Variants in OPRM1 observed in about 807,000 individuals in gnomAD.
OPRM1 encodes opioid receptor mu 1.
Under a neutral mutation model 31.8 loss-of-function variants are expected in OPRM1, and 27 were observed. The observed-to-expected ratio is 0.85, with a 90% CI of 0.63 to 1.17. The LOEUF (loss-of-function observed/expected upper bound fraction) is 1.17, where lower values mean the gene tolerates loss of function less well. OPRM1 is among the 50% of genes most tolerant of loss of function. The pLI is 0.00. For synonymous variants in OPRM1, 196 were observed against 189.9 expected (o/e 1.03, Z -0.26); for missense variants, 536 against 511.1 (o/e 1.05, Z -0.47).
At chr6:154,136,596 T>C (rs572440055), downstream of OPRM1, among the ~76,000 whole-genome samples, 2 of 152,096 alleles carry the variant, frequency 1.3e-5, no homozygotes, top group African/African-American at 2.4e-5. Context: ...CCTCAGCCCC[T>C]CCGCTTGGTT....
At chr6:154,220,774 G>T (rs1190416582) in intron 3 of OPRM1, among the ~76,000 whole-genome samples, 1 of 152,310 alleles carries the variant, frequency 6.6e-6, no homozygotes, top group East Asian at 1.9e-4. Context: ...TGGAGCTAGG[G>T]ATCTACAATT....
intron 1 of OPRM1, among the ~76,000 whole-genome samples, chr6:154,068,004 A>G (rs932168111): frequency 6.6e-6 from 1 of 152,086 alleles, no homozygotes. Context: ...ATTTCTCTGC[A>G]TGACTTTGGA....
chr6:154,094,466 A>G (rs1314368721), intron 3 of OPRM1: 1 of 358,046 alleles, frequency 2.8e-6, no homozygotes, highest in Non-Finnish European at 5.5e-6. Context: ...TTTAGTTTAC[A>G]ATTCTGTAGA....
At chr6:154,143,744 A>C (rs1192767195) in intron 3 of OPRM1, among the ~76,000 whole-genome samples, 2 of 152,228 alleles carry the variant, frequency 1.3e-5, no homozygotes, top group African/African-American at 4.8e-5. Context: ...TTGGTCCTAA[A>C]ACAAGACTCA....
intron 3 of OPRM1, among the ~76,000 whole-genome samples, chr6:154,223,600 C>A (rs182213944): frequency 4.4e-4 from 67 of 152,308 alleles, no homozygotes; most frequent in African/African-American, 1.5e-3. Flanking sequence ...ACAGCATCTT[C>A]TATTCCTACG....
Position 154,077,237 on chromosome 6 carries a change from A to G in OPRM1, c.291-12589A>G, listed in dbSNP as rs575988461. Among the ~76,000 whole-genome samples, 3 of 152,074 alleles carry G rather than the reference A, an allele frequency of 2.0e-5. No individual in the cohort carries two copies. In the South Asian group the frequency reaches 6.2e-4, roughly 32 times the overall value. On this transcript the variant is annotated intron_variant, in intron 1 of 3. Transcript: ENST00000330432. The stretch of plus-strand genomic sequence containing the variant: ...GCTACAACATAATTTAATAGCACAC[A>G]TAAATTCTCTAGTATATCAAATCAT...
upstream of OPRM1, among the ~76,000 whole-genome samples, chr6:154,037,490 T>C (rs1779380914): frequency 6.6e-6 from 1 of 152,074 alleles, no homozygotes. Flanking sequence ...ACACTGGAAC[T>C]GTAGTTTCAG....
intron 1 of OPRM1, among the ~76,000 whole-genome samples, chr6:154,024,664 G>A (rs1450833542): frequency 6.9e-6 from 1 of 144,840 alleles, no homozygotes; most frequent in East Asian, 2.0e-4. Flanking sequence ...TTTTTTTAAT[G>A]TAGGCACTTA....
In OPRM1 at chr6:154,090,064, G is replaced by T. The variant is rs778238775; in HGVS notation, c.529G>T (p.Ala177Ser). The T allele has an allele frequency of 6.2e-7, 1 of 1,614,070 alleles. No homozygotes were observed. The highest frequency in any genetic ancestry group is 8.5e-7 in the Non-Finnish European group (1 of 1,179,960). ...RYIAVCHPVK[A>S]LDFRTPRNAK... ...CATTGCAGTCTGCCACCCTGTCAAG[G>T]CCTTAGATTTCCGTACTCCCCGAAA... Residue 177 changes from alanine to serine, a missense_variant, in exon 2 of 4, where the codon GCC (alanine) becomes TCC (serine). Physicochemically the swap from Ala to Ser is moderately conservative, Grantham distance 99. Coordinates refer to ENST00000330432, the MANE Select transcript of OPRM1 (RefSeq NM_000914.5).
intron 3 of OPRM1, among the ~76,000 whole-genome samples, chr6:154,162,339 T>C (rs1395955534): frequency 6.6e-6 from 1 of 152,204 alleles, no homozygotes; most frequent in Non-Finnish European, 1.5e-5. Context: ...TGCTCTACTT[T>C]TTCCTGTCTC....
At chr6:154,135,474 A>C (rs1461960788), downstream of OPRM1, among the ~76,000 whole-genome samples, 1 of 139,960 alleles carries the variant, frequency 7.1e-6, no homozygotes, top group Non-Finnish European at 1.6e-5. Context: ...CATGTAAAAA[A>C]AAATATATAG....
At chr6:154,195,711 T>C (rs562540938) in intron 3 of OPRM1, among the ~76,000 whole-genome samples, 6 of 152,314 alleles carry the variant, frequency 3.9e-5, no homozygotes, top group African/African-American at 1.4e-4. Flanking sequence ...TCTGCTTTCT[T>C]TTGTTAAATG....
chr6:154,107,241 A>C (rs1795708790), intron 3 of OPRM1, among the ~76,000 whole-genome samples: 1 of 152,168 alleles, frequency 6.6e-6, no homozygotes, highest in African/African-American at 2.4e-5. Flanking sequence ...GACTGTTAAG[A>C]GTTTGAATGT....
chr6:154,216,362 T>C (rs938321950), intron 3 of OPRM1, among the ~76,000 whole-genome samples: 1 of 152,042 alleles, frequency 6.6e-6, no homozygotes, highest in South Asian at 2.1e-4. Flanking sequence ...TATGAACAAA[T>C]ATATCTTCTG....
Position 154,120,324 on chromosome 6 carries a change from A to T in OPRM1, c.*1603A>T, listed in dbSNP as rs75233451. On this transcript the variant is annotated 3_prime_UTR_variant, in exon 4 of 4. Transcript: ENST00000330432. ...GATCAGAATAACTGAATTTACTCTCAGATCTATTGGCTATAGTTATGTGGA... is the reference window on the plus strand; with the variant it reads ...GATCAGAATAACTGAATTTACTCTCTGATCTATTGGCTATAGTTATGTGGA... Among the ~76,000 whole-genome samples, 601 of 152,312 alleles carry T rather than the reference A, an allele frequency of 3.9e-3. 2 individuals are homozygous for T. The highest frequency in any genetic ancestry group is 0.014 in the African/African-American group (585 of 41,580).
chr6:154,199,343 G>A (rs536737983), intron 3 of OPRM1, among the ~76,000 whole-genome samples: 68 of 152,352 alleles, frequency 4.5e-4, no homozygotes, highest in African/African-American at 1.6e-3. Flanking sequence ...AACCACCACA[G>A]GCTCCAGCGC....
chr6:154,144,006 C>T (rs932006286), intron 3 of OPRM1, among the ~76,000 whole-genome samples: 1 of 152,112 alleles, frequency 6.6e-6, no homozygotes, highest in African/African-American at 2.4e-5. Flanking sequence ...TACAGACCTG[C>T]AGATATCAAA....
chr6:154,187,050 A>C (rs928161319), intron 3 of OPRM1, among the ~76,000 whole-genome samples: 63 of 150,852 alleles, frequency 4.2e-4, no homozygotes, highest in African/African-American at 1.2e-3. Context: ...CACACTCCAC[A>C]CTCTGTCTTC....
At chr6:154,140,165 T>G (rs1798159813) in intron 3 of OPRM1, among the ~76,000 whole-genome samples, 1 of 152,194 alleles carries the variant, frequency 6.6e-6, no homozygotes, top group African/African-American at 2.4e-5. Context: ...AGACAGACAC[T>G]GACAGTCTGT....
Sources: allele counts gnomAD v4.1 joint callset (sites outside exome capture counted in the v4.1 genomes callset), GRCh38; gene constraint gnomAD v4.1.1; transcripts MANE v1.5; gene names NCBI Gene and HGNC (gene_info 2026-07-23, HGNC 2026-07-21).